The following MYO15A variants were observed in gnomAD, a reference collection of about 807,000 sequenced individuals.
The protein encoded by MYO15A is unconventional myosin-XV.
Under a neutral mutation model 394.6 loss-of-function variants are expected in MYO15A, and 308 were observed. The observed-to-expected ratio is 0.78, with a 90% confidence interval of 0.71 to 0.86. The LOEUF (loss-of-function observed/expected upper bound fraction) is 0.86. MYO15A is among the 40% of genes least tolerant of loss of function. The pLI is 0.00. For synonymous variants in MYO15A, 1,957 were observed against 2,003.8 expected (o/e 0.98, Z 0.62); for missense variants, 4,606 against 4,799.1 (o/e 0.96, Z 1.19).
intron 55 of MYO15A, 74 bp from the exon 56 acceptor site, chr17:18,159,861 C>A (rs904010346): frequency 7.1e-6 from 11 of 1,540,740 alleles, no homozygotes; most frequent in South Asian, 1.2e-5. Context: ...GGTGCCCACC[C>A]TGTTCTTATG....
intron 28 of MYO15A, 94 bp from the exon 29 acceptor site, chr17:18,144,403 A>C: frequency 8.4e-7 from 1 of 1,184,626 alleles, no homozygotes; most frequent in Non-Finnish European, 1.2e-6. Context: ...CCCCTGCCTC[A>C]TAGGCCTTGG....
In MYO15A at chr17:18,149,243, T is replaced by C. The variant is rs1567650938; in HGVS notation, c.6984T>C (p.Asp2328=). 2.5e-6 allele frequency: 4 copies of C among 1,614,072 alleles called. 1 individual carries two copies. Among genetic ancestry groups the C allele is most frequent in the Non-Finnish European group, 3.4e-6 (4 of 1,179,986 alleles). ...KVVFGNSWDS[D]EDMSTRPQPQ... The stretch of plus-strand genomic sequence containing the variant: ...TGTTTGGGAACAGCTGGGACTCGGA[T>C]GAGGACATGTCCACTAGACCCCAGC... Residue 2328 remains aspartate, a synonymous_variant, in exon 34 of 66, where the codon GAT becomes GAC. Coordinates refer to ENST00000647165, the MANE Select transcript of MYO15A (RefSeq NM_016239.4).
rs2045835495 is a variant in MYO15A at position 18,118,879 on chromosome 17, A to G, written c.79A>G (p.Lys27Glu). Residue 27 changes from lysine (K) to glutamate (E), a missense_variant, in exon 2 of 66, where the codon AAA (lysine) becomes GAA (glutamate). Coordinates refer to ENST00000647165, the MANE Select transcript of MYO15A (RefSeq NM_016239.4). ...GKKAPEPEKP[K>E]RSLKGTSRLF... The stretch of plus-strand genomic sequence containing the variant: ...GAAGGCACCGGAGCCGGAGAAGCCC[A>G]AACGGAGCCTGAAGGGGACGTCGCG... The G allele has an allele frequency of 1.3e-5, 21 of 1,613,804 alleles. No individual in the cohort carries two copies. Among genetic ancestry groups the G allele is most frequent in the Non-Finnish European group, 1.7e-5 (20 of 1,179,944 alleles).
intron 23 of MYO15A, 29 bp from the exon 24 acceptor site, chr17:18,142,050 C>G: frequency 6.2e-7 from 1 of 1,610,316 alleles, no homozygotes; most frequent in Non-Finnish European, 8.5e-7. Context: ...TGGCTCCTAT[C>G]TGCCTCAGTG....
At position 18,119,635 on chromosome 17, in the gene MYO15A, T is replaced by C; in HGVS notation, c.835T>C (p.Tyr279His). 1 of 1,603,380 alleles carries C rather than the reference T, an allele frequency of 6.2e-7. No individual in the cohort carries two copies. Among genetic ancestry groups the C allele is most frequent in the Non-Finnish European group, 8.5e-7 (1 of 1,179,892 alleles). Residue 279 changes from tyrosine to histidine, a missense_variant, in exon 2 of 66, where the codon TAC becomes CAC. Tyr to His is a moderately conservative substitution (Grantham distance 83). Coordinates refer to ENST00000647165, the MANE Select transcript of MYO15A (RefSeq NM_016239.4). ...CTGGCCACCCTACGGCGACCACTAC[T>C]ACGGGTACCCGCCCGAGGATCCCTA... Reference protein sequence around the residue: ...PAWPPYGDHYYGYPPEDPYDY... With the variant: ...PAWPPYGDHYHGYPPEDPYDY...
At position 18,163,816 on chromosome 17, in the gene MYO15A, T is replaced by TGG. The variant is rs757070287; in HGVS notation, c.9765_9766insGG (p.Ile3256GlyfsTer56). On this transcript the variant is annotated frameshift_variant, in exon 60 of 66. Coordinates refer to ENST00000647165, the MANE Select transcript of MYO15A (RefSeq NM_016239.4). LOFTEE classifies it high-confidence loss of function. ...GCCCTGAGGCCTTCAATGAATATGT[T>TGG]ATCTTCGTTGTCACCAACCGTGGTG... The TGG allele has an allele frequency of 6.8e-6, 11 of 1,613,920 alleles. No individual in the cohort carries two copies. Among genetic ancestry groups the TGG allele is most frequent in the Non-Finnish European group, 9.3e-6 (11 of 1,179,950 alleles).
chr17:18,178,398 T>G, intron 65 of MYO15A: 1 of 368,036 alleles, frequency 2.7e-6, no homozygotes, highest in Non-Finnish European at 5.2e-6. Context: ...TTACATGCAA[T>G]AAAGCCTCAC....
intron 22 of MYO15A, 96 bp from the exon 23 acceptor site, chr17:18,141,557 C>A: frequency 8.3e-7 from 1 of 1,200,360 alleles, no homozygotes; most frequent in Non-Finnish European, 1.2e-6. Context: ...TGGGACCAGG[C>A]TTTTTGGACA....
At chr17:18,149,640 C>A in intron 35 of MYO15A, 60 bp downstream of exon 35, 1 of 1,537,258 alleles carries the variant, frequency 6.5e-7, no homozygotes, top group African/African-American at 1.4e-5. Context: ...ACACCCAAGT[C>A]ACACACTTGT....
chr17:18,174,639 C>G (rs186886811), intron 65 of MYO15A, among the ~76,000 whole-genome samples: 1 of 152,096 alleles, frequency 6.6e-6, no homozygotes, highest in African/African-American at 2.4e-5. Flanking sequence ...GCATGGATGA[C>G]CTCTAGACTC....
chr17:18,132,480 T>A lies in MYO15A; in HGVS notation c.4234T>A (p.Phe1412Ile). ...QAKNERNYHI[F>I]YELLAGLPAQ... ...CAAAAACGAGAGGAATTACCACATC[T>A]TCTACGAGTTGCTGGCCGGGTTGCC... Residue 1412 changes from phenylalanine (F) to isoleucine (I), a missense_variant, in exon 11 of 66, where the codon TTC (phenylalanine) becomes ATC (isoleucine). Physicochemically the swap from Phe to Ile is conservative, Grantham distance 21. Around this residue, in one of 2 missense-constraint regions of MYO15A, gnomAD observed 2,776 missense variants for 3,109.3 expected, o/e 0.89. Coordinates refer to ENST00000647165, the MANE Select transcript of MYO15A (RefSeq NM_016239.4). This position sits in a 1 kb window ranked among gnomAD's most constrained non-coding sequence, Gnocchi z 4.6. The A allele has an allele frequency of 6.2e-7, 1 of 1,614,010 alleles. No homozygotes were observed. Among genetic ancestry groups the A allele is most frequent in the Non-Finnish European group, 8.5e-7 (1 of 1,180,040 alleles).
At chr17:18,126,677 G>T (rs2046048437) in intron 5 of MYO15A, 114 bp from the exon 6 acceptor site, 2 of 1,287,792 alleles carry the variant, frequency 1.6e-6, no homozygotes, top group South Asian at 2.4e-5. Context: ...CCCCCAACAG[G>T]GTGAGGGGTG....
chr17:18,122,496 C>A (rs1185665199), intron 2 of MYO15A, 87 bp downstream of exon 2: 17 of 1,510,704 alleles, frequency 1.1e-5, no homozygotes, highest in African/African-American at 2.8e-5. Flanking sequence ...CCCTGTGCAA[C>A]CTTGGAGAGA....
chr17:18,167,913 C>T (rs1364166176), intron 62 of MYO15A, among the ~76,000 whole-genome samples, 190 bp downstream of exon 62: 2 of 152,214 alleles, frequency 1.3e-5, no homozygotes, highest in Non-Finnish European at 2.9e-5. Context: ...GAGCTGGGAC[C>T]CCGCCTCTCT....
At chr17:18,160,831 A>G (rs527279752) in intron 56 of MYO15A, 4 of 326,504 alleles carry the variant, frequency 1.2e-5, no homozygotes, top group South Asian at 7.7e-5. Flanking sequence ...TACGTGCCCA[A>G]TGTGTGCATG....
chr17:18,127,016 G>A, intron 6 of MYO15A, 59 bp from the exon 7 acceptor site: 1 of 1,604,710 alleles, frequency 6.2e-7, no homozygotes, highest in Non-Finnish European at 8.5e-7. Context: ...ATGGGAGTCA[G>A]GGTGCCCCAG....
At chr17:18,152,619 TA>T (rs10710554) in intron 42 of MYO15A, among the ~76,000 whole-genome samples, 117,170 of 151,900 alleles carry the variant, frequency 0.77, 45,753 homozygotes, top group African/African-American at 0.87. Flanking sequence ...CTGCCCCTGA[TA>T]AAAAACCCTC....
rs770437420 is a variant in MYO15A at position 18,131,262 on chromosome 17, G to A, written c.4062G>A (p.Leu1354=). 40 of 1,613,868 alleles carry A rather than the reference G, an allele frequency of 2.5e-5. No individual in the cohort carries two copies. Among genetic ancestry groups the A allele is most frequent in the Non-Finnish European group, 3.1e-5 (37 of 1,179,976 alleles). The change falls in exon 9 of 66, where the codon TTG becomes TTA. Residue 1354 remains leucine (L), a synonymous_variant. Transcript: ENST00000647165. ...AGATCCTGGAGGCAACACCCCTCTT[G>A]GAGTCCTTCGGTAATGCCAAAACCG... is the stretch of plus-strand genomic sequence containing the variant. ...QIKILEATPL[L]ESFGNAKTVR... is the part of the protein sequence containing the mutation.
intron 1 of MYO15A, 39 bp from the exon 2 acceptor site, chr17:18,118,543 T>C (rs1048836281): frequency 3.6e-6 from 2 of 551,216 alleles, no homozygotes; most frequent in Non-Finnish European, 6.5e-6. Context: ...TTCCCCATCC[T>C]GGTAAACAAC....
Sources: gnomAD v4.1 joint callset for allele counts (sites outside exome capture counted in the v4.1 genomes callset) on GRCh38, gnomAD v4.1.1 for gene constraint, gnomAD v4.1.1 regional missense constraint, Gnocchi (gnomAD v3.1) non-coding constraint, MANE v1.5 for transcripts, NCBI Gene and HGNC (gene_info 2026-07-23, HGNC 2026-07-21) for gene names.